The following PKHD1 variants were observed in gnomAD, a reference collection of about 807,000 sequenced individuals.
The protein encoded by PKHD1 is fibrocystin.
In PKHD1, 291 loss-of-function variants were observed where a neutral mutation model predicts 412.0. The observed-to-expected ratio is 0.71, with a 90% CI of 0.64 to 0.78. The LOEUF is 0.78. Ranked by LOEUF, PKHD1 falls within the 30% of genes least tolerant of loss-of-function variation. The pLI is 0.00. For synonymous variants in PKHD1, 1,777 were observed against 1,821.5 expected, an observed-to-expected ratio of 0.98 and a Z score of 0.62; for missense variants, 4,825 against 4,950.7, an observed-to-expected ratio of 0.97 and a Z score of 0.76.
At position 51,667,421 on chromosome 6, in the gene PKHD1, G is replaced by C. The variant is rs1774019006; in HGVS notation, c.10157-7452C>G. 2.0e-5 allele frequency among the ~76,000 whole-genome samples: 3 copies of C among 149,918 alleles called. No individual in the cohort carries two copies. The South Asian group carries it at 6.3e-4, about 32-fold the overall frequency. On this transcript the variant is annotated intron_variant, in intron 60 of 66. Coordinates refer to ENST00000371117, the MANE Select transcript of PKHD1 (RefSeq NM_138694.4). ...GTTTTTTTCTTGTAAATTTGTTTGA[G>C]TTCATTGTAGATTCTGGATATTAGC...
Position 52,082,531 on chromosome 6 carries a change from C to T in PKHD1, c.142G>A (p.Gly48Ser). The T allele has an allele frequency of 6.2e-7, 1 of 1,614,034 alleles. No individual in the cohort carries two copies. The change falls in exon 4 of 67, where the codon GGT becomes AGT. Residue 48 changes from glycine to serine, a missense_variant. Coordinates refer to ENST00000371117, the MANE Select transcript of PKHD1 (RefSeq NM_138694.4). ...GAGCCATTGTTGGGGTAAAGAACAC[C>T]CAACTCCAAACCTAACACAAGGGAA... Reference protein sequence around the residue: ...ITVIFDGLELGVLYPNNGSQL... With the variant: ...ITVIFDGLELSVLYPNNGSQL...
At chr6:51,780,250 G>C (rs1791758262) in intron 53 of PKHD1, among the ~76,000 whole-genome samples, 1 of 152,060 alleles carries the variant, frequency 6.6e-6, no homozygotes, top group Non-Finnish European at 1.5e-5. Context: ...GCTTGGCGTG[G>C]TGCGACGCAC....
intron 61 of PKHD1, among the ~76,000 whole-genome samples, chr6:51,650,776 G>T (rs973330684): frequency 1.3e-5 from 2 of 151,994 alleles, no homozygotes; most frequent in African/African-American, 4.8e-5. Context: ...CTGGCTTTTT[G>T]GCTGGAATCA....
chr6:51,733,341 T>G (rs1289004898), intron 60 of PKHD1, among the ~76,000 whole-genome samples: 1 of 151,968 alleles, frequency 6.6e-6, no homozygotes, highest in East Asian at 1.9e-4. Context: ...GAGACCTAGA[T>G]CATCCTGGCT....
Position 52,026,038 on chromosome 6 carries a change from G to GT in PKHD1, c.3771dup (p.Pro1258ThrfsTer39). 1 of 1,614,080 alleles carries GT rather than the reference G, an allele frequency of 6.2e-7. No homozygotes were observed. Among genetic ancestry groups the GT allele is most frequent in the African/African-American group, 1.3e-5 (1 of 75,016 alleles). Reference sequence around the variant, plus strand: ...GGAACAGTGGGAGCGCCCGCATCGGGTATCTGGGGGGCTGGCAGGGTTTCA... The same window carrying GT: ...GGAACAGTGGGAGCGCCCGCATCGGGTTATCTGGGGGGCTGGCAGGGTTTCA... On this transcript the variant is annotated frameshift_variant, in exon 32 of 67. Coordinates refer to ENST00000371117, the MANE Select transcript of PKHD1 (RefSeq NM_138694.4). LOFTEE classifies it high-confidence loss of function.
intron 39 of PKHD1, 90 bp from the exon 40 acceptor site, chr6:51,909,564 G>C (rs769877220): frequency 7.4e-6 from 7 of 942,108 alleles, no homozygotes; most frequent in Non-Finnish European, 1.2e-5. Flanking sequence ...TGTCAGCACC[G>C]AGGAAAAACC....
chr6:51,745,172 TGTATTGA>T (rs1469286317), intron 59 of PKHD1, among the ~76,000 whole-genome samples: 1 of 152,198 alleles, frequency 6.6e-6, no homozygotes, highest in African/African-American at 2.4e-5. Flanking sequence ...ATACCAACAA[TGTATTGA>T]GTATTATCAG....
intron 27 of PKHD1, among the ~76,000 whole-genome samples, chr6:52,040,502 C>T (rs555546837): frequency 3.0e-4 from 46 of 152,226 alleles, no homozygotes; most frequent in African/African-American, 9.4e-4. Flanking sequence ...GCCACCATCT[C>T]ACTCAGAATA....
chr6:52,047,322 C>T (rs995364568), intron 23 of PKHD1, among the ~76,000 whole-genome samples: 1 of 152,164 alleles, frequency 6.6e-6, no homozygotes, highest in South Asian at 2.1e-4. Context: ...CTGAGTCACC[C>T]TATTATAATA....
intron 48 of PKHD1, among the ~76,000 whole-genome samples, chr6:51,864,363 A>C (rs1485278042): frequency 6.6e-6 from 1 of 152,210 alleles, no homozygotes; most frequent in East Asian, 1.9e-4. Context: ...TCAGAGATTG[A>C]AACACCGAAA....
At position 51,918,585 on chromosome 6, in the gene PKHD1, A is replaced by G. The variant is rs915256290; in HGVS notation, c.6122-6009T>C. Among the ~76,000 whole-genome samples the G allele has an allele frequency of 1.1e-4, 16 of 152,250 alleles. No individual in the cohort carries two copies. In the East Asian group the frequency reaches 2.9e-3, roughly 28 times the overall value. On this transcript the variant is annotated intron_variant, in intron 37 of 66. Transcript: ENST00000371117. ...TAGATGTGCCGCATTTTCTTTATCC[A>G]GTCTATCATTGATGGGCATTTGGGT...
intron 32 of PKHD1, among the ~76,000 whole-genome samples, chr6:52,023,336 A>C (rs181342874): frequency 6.6e-6 from 1 of 152,312 alleles, no homozygotes; most frequent in Non-Finnish European, 1.5e-5. Context: ...CAGAATTTTT[A>C]AGCATCTATG....
intron 48 of PKHD1, 49 bp from the exon 49 acceptor site, chr6:51,856,119 C>A: frequency 9.3e-7 from 1 of 1,074,598 alleles, no homozygotes; most frequent in South Asian, 1.3e-5. Context: ...ATTATTTGCT[C>A]ATTCTGAATC....
At chr6:51,809,600 T>G (rs1336213730) in intron 52 of PKHD1, among the ~76,000 whole-genome samples, 1 of 152,080 alleles carries the variant, frequency 6.6e-6, no homozygotes, top group African/African-American at 2.4e-5. Context: ...AATTTATAAA[T>G]CCATGTGGGG....
rs1020310655 is a variant in PKHD1 at position 52,055,449 on chromosome 6, A to T, written c.1836+138T>A. ...TCATACCTGAAACAGCAGTCGAGAG[A>T]CCTAGAACCTCAGCCTGAAACACCT... On this transcript the variant is annotated intron_variant, in intron 19 of 66. Coordinates refer to ENST00000371117, the MANE Select transcript of PKHD1 (RefSeq NM_138694.4). The T allele has an allele frequency of 1.3e-4, 115 of 906,424 alleles. 1 individual carries two copies. In the African/African-American group the frequency reaches 1.6e-3, roughly 13 times the overall value. The allele number at this position is 906,424 out of a possible 1,614,324, so 56.1% of individuals were successfully genotyped here.
chr6:51,635,389 G>T (rs1768398682), intron 64 of PKHD1, among the ~76,000 whole-genome samples: 1 of 152,094 alleles, frequency 6.6e-6, no homozygotes, highest in South Asian at 2.1e-4. Flanking sequence ...AATTATCTTA[G>T]CATCAGAACA....
chr6:51,996,719 C>T (rs1031988957), intron 35 of PKHD1, among the ~76,000 whole-genome samples: 1 of 152,324 alleles, frequency 6.6e-6, no homozygotes, highest in African/African-American at 2.4e-5. Flanking sequence ...TTCACCCCCT[C>T]AAAATCTCAT....
chr6:51,981,035 A>G (rs1403249234), intron 35 of PKHD1, among the ~76,000 whole-genome samples: 1 of 152,118 alleles, frequency 6.6e-6, no homozygotes, highest in Non-Finnish European at 1.5e-5. Context: ...TAAAAAGTTA[A>G]GTTCCTATAT....
chr6:51,682,676 G>A (rs1379512783), intron 60 of PKHD1, among the ~76,000 whole-genome samples: 8 of 151,990 alleles, frequency 5.3e-5, no homozygotes, highest in African/African-American at 1.7e-4. Flanking sequence ...CTTTTTGGAG[G>A]CAGAAAGTGA....
Sources: allele counts gnomAD v4.1 joint callset (sites outside exome capture counted in the v4.1 genomes callset), GRCh38; gene constraint gnomAD v4.1.1; transcripts MANE v1.5; gene names NCBI Gene and HGNC (gene_info 2026-07-23, HGNC 2026-07-21).